Variants in MEGF10 observed in about 807,000 individuals in gnomAD.
MEGF10 encodes the protein multiple epidermal growth factor-like domains protein 10.
Under a neutral mutation model 147.5 loss-of-function variants are expected in MEGF10, and 86 were observed. The ratio of observed to expected loss-of-function variants is 0.58; its 90% CI spans 0.49 to 0.70. MEGF10 has a LOEUF of 0.70. MEGF10 is among the 30% of genes least tolerant of loss of function. MEGF10 has a pLI of 0.00. For missense variants in MEGF10, 1,329 were observed against 1,487.3 expected, an observed-to-expected ratio of 0.89 and a Z score of 1.75; for synonymous variants, 478 against 525.5, an observed-to-expected ratio of 0.91 and a Z score of 1.24.
At chr5:127,419,675 C>T (rs1446063349) in intron 11 of MEGF10, among the ~76,000 whole-genome samples, 1 of 152,170 alleles carries the variant, frequency 6.6e-6, no homozygotes, top group Non-Finnish European at 1.5e-5. Flanking sequence ...TGTTTTCAAG[C>T]AGAATCCTTT....
chr5:127,391,102 G>GCGCGCGCACACACACA (rs1426600414), intron 5 of MEGF10, among the ~76,000 whole-genome samples: 2 of 53,892 alleles, frequency 3.7e-5, no homozygotes, highest in African/African-American at 1.0e-4. Flanking sequence ...GCGCGCGCGC[G>GCGCGCGCACACACACA]CACACACACA....
At chr5:127,401,363 ATC>A (rs1764125841) in intron 7 of MEGF10, among the ~76,000 whole-genome samples, 1 of 152,224 alleles carries the variant, frequency 6.6e-6, no homozygotes, top group African/African-American at 2.4e-5. Flanking sequence ...GATTCGAATC[ATC>A]TCTCAAAGGC....
At chr5:127,275,241 T>G in the MEGF10 span, among the ~76,000 whole-genome samples, 1,681 of 152,292 alleles carry the variant, frequency 0.011, 22 homozygotes, top group African/African-American at 0.031. Context: ...TAAGAAGGGA[T>G]CAGACAATAA....
At chr5:127,415,439 A>C (rs1764723392) in intron 9 of MEGF10, among the ~76,000 whole-genome samples, 1 of 152,176 alleles carries the variant, frequency 6.6e-6, no homozygotes, top group African/African-American at 2.4e-5. Flanking sequence ...GTGATAAGGC[A>C]TGAGTGGAGA....
At chr5:127,353,921 A>T (rs189949835) in intron 4 of MEGF10, among the ~76,000 whole-genome samples, 45 of 152,332 alleles carry the variant, frequency 3.0e-4, no homozygotes, top group Non-Finnish European at 6.2e-4. Flanking sequence ...GTTCCCATGG[A>T]TGTGTCCTGC....
intron 2 of MEGF10, among the ~76,000 whole-genome samples, chr5:127,338,516 T>G (rs923924938): frequency 2.0e-5 from 3 of 152,132 alleles, no homozygotes; most frequent in Non-Finnish European, 4.4e-5. Context: ...GGTATGATTA[T>G]TTTAGGCTAA....
At chr5:127,454,540 G>GT in intron 22 of MEGF10, 26 bp from the exon 23 acceptor site, 1 of 1,598,118 alleles carries the variant, frequency 6.3e-7, no homozygotes, top group Non-Finnish European at 8.5e-7. Context: ...TTCTCACTGG[G>GT]TGTTTTTTTT....
At chr5:127,247,461 G>GAAGAAGAAGAAGAAGAAGAAGAAGA in the MEGF10 span, among the ~76,000 whole-genome samples, 23 of 135,762 alleles carry the variant, frequency 1.7e-4, 1 homozygote, top group African/African-American at 5.7e-4. Flanking sequence ...AGAAGAAGAA[G>GAAGAAGAAGAAGAAGAAGAAGAAGA]AAGAAGAAGA....
chr5:127,399,527 C>A (rs1764048703), intron 7 of MEGF10, among the ~76,000 whole-genome samples: 1 of 152,200 alleles, frequency 6.6e-6, no homozygotes. Flanking sequence ...CTGTTTCCTT[C>A]ATTAACAAAC....
chr5:127,308,828 T>C (rs1760131025), intron 1 of MEGF10, among the ~76,000 whole-genome samples: 1 of 151,770 alleles, frequency 6.6e-6, no homozygotes, highest in African/African-American at 2.4e-5. Context: ...CTAAACTGCA[T>C]GTTGTGCACA....
chr5:127,402,467 C>A, intron 7 of MEGF10, 79 bp from the exon 8 acceptor site: 1 of 1,478,150 alleles, frequency 6.8e-7, no homozygotes, highest in Non-Finnish European at 9.1e-7. Flanking sequence ...TTTCTATTTC[C>A]TCTCTTTTCT....
At chr5:127,241,704 A>C in the MEGF10 span, among the ~76,000 whole-genome samples, 1 of 152,182 alleles carries the variant, frequency 6.6e-6, no homozygotes, top group Non-Finnish European at 1.5e-5. Context: ...GCTTCTGTGG[A>C]AAGTAGAGCT....
At chr5:127,338,682 A>G (rs1434432105) in intron 2 of MEGF10, among the ~76,000 whole-genome samples, 1 of 152,172 alleles carries the variant, frequency 6.6e-6, no homozygotes, top group Non-Finnish European at 1.5e-5. Context: ...AAGAATCAGT[A>G]GCAAAATGCA....
At chr5:127,347,971 G>T (rs908134580) in intron 4 of MEGF10, among the ~76,000 whole-genome samples, 1 of 152,082 alleles carries the variant, frequency 6.6e-6, no homozygotes, top group Non-Finnish European at 1.5e-5. Context: ...CAAAAGACTT[G>T]CATGTACAGT....
intron 9 of MEGF10, 50 bp from the exon 10 acceptor site, chr5:127,417,588 G>A (rs749601357): frequency 6.4e-7 from 1 of 1,574,104 alleles, no homozygotes; most frequent in Middle Eastern, 1.7e-4. Context: ...CAGAAGTTGG[G>A]TGTCATGTTT....
chr5:127,402,389 G>A (rs953848327), intron 7 of MEGF10, among the ~76,000 whole-genome samples, 157 bp from the exon 8 acceptor site: 8 of 152,254 alleles, frequency 5.3e-5, no homozygotes, highest in African/African-American at 1.9e-4. Flanking sequence ...TTTTAAAGAT[G>A]ATGAACAGTT....
At chr5:127,419,844 A>G (rs767088446) in intron 11 of MEGF10, among the ~76,000 whole-genome samples, 200 bp from the exon 12 acceptor site, 6 of 152,202 alleles carry the variant, frequency 3.9e-5, no homozygotes, top group Non-Finnish European at 8.8e-5. Flanking sequence ...CACACAACAC[A>G]CATGGCTGTT....
At chr5:127,441,489 TCCA>T (rs1315126417) in intron 18 of MEGF10, among the ~76,000 whole-genome samples, 1 of 152,200 alleles carries the variant, frequency 6.6e-6, no homozygotes, top group African/African-American at 2.4e-5. Context: ...TTTTTTTATT[TCCA>T]CCCCACTAGC....
chr5:127,280,933 G>C, the MEGF10 span, among the ~76,000 whole-genome samples: 1 of 152,228 alleles, frequency 6.6e-6, no homozygotes, highest in Non-Finnish European at 1.5e-5. Flanking sequence ...TGCGTCTGAG[G>C]CTCGGCCAAT....
Sources: gnomAD v4.1 joint callset for allele counts (sites outside exome capture counted in the v4.1 genomes callset) on GRCh38, gnomAD v4.1.1 for gene constraint, MANE v1.5 for transcripts, NCBI Gene and HGNC (gene_info 2026-07-23, HGNC 2026-07-21) for gene names.